The following ZNF516 variants were observed in gnomAD, a reference collection of about 807,000 sequenced individuals.
ZNF516 encodes zinc finger protein 516.
A neutral mutation model predicts 79.7 loss-of-function variants in ZNF516; 19 were observed. The ratio of observed to expected loss-of-function variants is 0.24; its 90% confidence interval spans 0.17 to 0.35. ZNF516 has a LOEUF of 0.35. Among genes scored for constraint, ZNF516 ranks in the 10% least tolerant of loss-of-function variants. ZNF516 has a pLI of 1.00. For missense variants in ZNF516, 1,678 were observed against 1,679.5 expected (o/e 1.00, Z 0.02); for synonymous variants, 877 against 739.5 (o/e 1.19, Z -3.02).
intron 3 of ZNF516, chr18:76,385,618 A>G (rs558126297): frequency 2.6e-5 from 4 of 152,366 alleles, no homozygotes; most frequent in African/African-American, 7.2e-5. Context: ...TTCTCAGTGC[A>G]CATTTGTGCC....
chr18:76,379,433 T>A lies in ZNF516; in HGVS notation c.2681A>T (p.Gln894Leu). The A allele has an allele frequency of 6.2e-7, 1 of 1,612,296 alleles. No homozygotes were observed. The highest frequency in any genetic ancestry group is 1.3e-5 in the African/African-American group (1 of 75,018). Residue 894 changes from glutamine (Q) to leucine (L), a missense_variant, in exon 4 of 7, where the codon CAG (glutamine) becomes CTG (leucine). Gln to Leu is a moderately radical substitution (Grantham distance 113, BLOSUM62 -2). This residue lies in a region of ZNF516 where 1,294 missense variants were observed against 1,248.3 expected (regional missense o/e 1.04). Transcript: ENST00000443185. ...GYRQTKPCHGQEPHGAATQGP... is the reference protein window; with the variant it reads ...GYRQTKPCHGLEPHGAATQGP... Reference sequence around the variant, plus strand: ...CTGTGTGGCCGCGCCATGTGGCTCCTGGCCGTGACAAGGTTTGGTCTGTCG... The same window carrying A: ...CTGTGTGGCCGCGCCATGTGGCTCCAGGCCGTGACAAGGTTTGGTCTGTCG...
intron 2 of ZNF516, among the ~76,000 whole-genome samples, chr18:76,456,665 C>T (rs1192671494): frequency 2.3e-5 from 3 of 132,762 alleles, no homozygotes; most frequent in Non-Finnish European, 3.1e-5. Context: ...AGAATGAAGG[C>T]GCAGGTCGAG....
At chr18:76,488,694 A>AT (rs903450452) in intron 1 of ZNF516, among the ~76,000 whole-genome samples, 1 of 152,268 alleles carries the variant, frequency 6.6e-6, no homozygotes, top group Non-Finnish European at 1.5e-5. Flanking sequence ...TATAATGCAG[A>AT]TACCTAATCA....
At chr18:76,388,567 G>A (rs2075025391) in intron 3 of ZNF516, 1 of 152,286 alleles carries the variant, frequency 6.6e-6, no homozygotes, top group Non-Finnish European at 1.5e-5. Flanking sequence ...CATGTACATT[G>A]ATGACCCAGA....
Position 76,464,168 on chromosome 18 carries a change from AC to A in ZNF516, c.-271-1028del, listed in dbSNP as rs560874466. Among the ~76,000 whole-genome samples, 396 of 152,152 alleles carry A rather than the reference AC, an allele frequency of 2.6e-3. 1 individual carries two copies. Among genetic ancestry groups the A allele is most frequent in the African/African-American group, 8.8e-3 (365 of 41,510 alleles). On this transcript the variant is annotated intron_variant, in intron 1 of 6. Coordinates refer to ENST00000443185, the MANE Select transcript of ZNF516 (RefSeq NM_014643.4). ...GTAAAACCCCGTCTGTACTAAAAATACAAAAAAAAATTTTAGTACTTTAAAA... is the reference window on the plus strand; with the variant it reads ...GTAAAACCCCGTCTGTACTAAAAATAAAAAAAAAATTTTAGTACTTTAAAA...
intron 3 of ZNF516, among the ~76,000 whole-genome samples, chr18:76,417,445 A>G (rs1009639509): frequency 8.5e-5 from 13 of 152,260 alleles, no homozygotes; most frequent in African/African-American, 2.4e-4. Flanking sequence ...GTTTTTAACC[A>G]AAGATATTTA....
chr18:76,443,339 A>C (rs1363539613), intron 2 of ZNF516, 128 bp from the exon 3 acceptor site: 9 of 426,158 alleles, frequency 2.1e-5, no homozygotes, highest in African/African-American at 1.4e-4. Flanking sequence ...GGCACCAACA[A>C]CACTTCACAC....
chr18:76,419,436 C>G (rs2075478348), intron 3 of ZNF516, among the ~76,000 whole-genome samples: 1 of 152,216 alleles, frequency 6.6e-6, no homozygotes, highest in Non-Finnish European at 1.5e-5. Flanking sequence ...TCTGCATTTT[C>G]TACAACGATT....
intron 1 of ZNF516, among the ~76,000 whole-genome samples, chr18:76,480,696 ATTT>A (rs1475585233): frequency 5.9e-5 from 9 of 151,858 alleles, no homozygotes; most frequent in African/African-American, 9.7e-5. Flanking sequence ...TTAATTTTGT[ATTT>A]TTAGTAGAGA....
intron 1 of ZNF516, among the ~76,000 whole-genome samples, chr18:76,473,375 A>AAAC (rs1913966217): frequency 1.5e-5 from 2 of 132,006 alleles, no homozygotes; most frequent in African/African-American, 2.8e-5. Context: ...AAAAAAAAAA[A>AAAC]AAAACACCTA....
intron 3 of ZNF516, among the ~76,000 whole-genome samples, chr18:76,431,660 G>C (rs2075663201): frequency 6.6e-6 from 1 of 152,158 alleles, no homozygotes; most frequent in Non-Finnish European, 1.5e-5. Flanking sequence ...CGCGAGATCT[G>C]GCGGTTTCAG....
At chr18:76,427,633 A>G (rs2075612997) in intron 3 of ZNF516, among the ~76,000 whole-genome samples, 1 of 152,264 alleles carries the variant, frequency 6.6e-6, no homozygotes, top group Admixed American at 6.5e-5. Context: ...AAAACCATAA[A>G]GACAATTCTG....
At chr18:76,461,850 G>A (rs1389394606) in intron 2 of ZNF516, among the ~76,000 whole-genome samples, 2 of 152,196 alleles carry the variant, frequency 1.3e-5, no homozygotes, top group Non-Finnish European at 2.9e-5. Flanking sequence ...GCCCGCCATG[G>A]GCCGGACCAG....
At position 76,486,655 on chromosome 18, in the gene ZNF516, G is replaced by A. The variant is rs904603084; in HGVS notation, c.-272+8489C>T. ...GCCAGCACCAGCAACTCCCCAGGGC[G>A]GTGAGAGACGTTGTCTACCTGGTTT... On this transcript the variant is annotated intron_variant, in intron 1 of 6. Transcript: ENST00000443185. 7.3e-5 allele frequency among the ~76,000 whole-genome samples: 11 copies of A among 150,468 alleles called. 1 individual carries two copies. The highest frequency in any genetic ancestry group is 6.4e-4 in the South Asian group (3 of 4,704).
rs1362520860 is a variant in ZNF516 at position 76,441,816 on chromosome 18, G to C, written c.1239C>G (p.Val413=). 1 of 1,563,726 alleles carries C rather than the reference G, an allele frequency of 6.4e-7. No individual in the cohort carries two copies. The highest frequency in any genetic ancestry group is 1.4e-5 in the African/African-American group (1 of 73,958). ...CCAGCTGCCAGGCCTGGTAGCTGTT[G>C]ACCGGGTCCAGCTCAGCCACCCGCC... ...AGRRVAELDP[V]NSYQAWQLAT... is the part of the protein sequence containing the mutation. The change falls in exon 3 of 7, where the codon GTC becomes GTG. Residue 413 remains valine, a synonymous_variant. Coordinates refer to ENST00000443185, the MANE Select transcript of ZNF516 (RefSeq NM_014643.4).
chr18:76,442,776 G>C lies in ZNF516; in HGVS notation c.279C>G (p.His93Gln), dbSNP rs765880218. 11 of 1,600,496 alleles carry C rather than the reference G, an allele frequency of 6.9e-6. No individual in the cohort carries two copies. Among genetic ancestry groups the C allele is most frequent in the Non-Finnish European group, 9.4e-6 (11 of 1,173,602 alleles). The change falls in exon 3 of 7, where the codon CAC becomes CAG. Residue 93 changes from histidine (H) to glutamine (Q), a missense_variant. This residue lies in a region of ZNF516 where 279 missense variants were observed against 254.1 expected (regional missense o/e 1.10). Coordinates refer to ENST00000443185, the MANE Select transcript of ZNF516 (RefSeq NM_014643.4). ...GCGGCGCCTCGCCCGCCTCCGGCTC[G>C]TGTCCCTGAATCAGAGTCCCCGTGC... The part of the protein sequence containing the change: ...SHRTGTLIQG[H>Q]EPEAGEAPLG...
At chr18:76,395,412 G>C (rs893515019) in intron 3 of ZNF516, among the ~76,000 whole-genome samples, 1 of 152,204 alleles carries the variant, frequency 6.6e-6, no homozygotes, top group East Asian at 1.9e-4. Context: ...AGGTGAGTAG[G>C]AGTCATTTAA....
chr18:76,445,813 C>T (rs1171018586), intron 2 of ZNF516, among the ~76,000 whole-genome samples: 1 of 152,230 alleles, frequency 6.6e-6, no homozygotes, highest in Non-Finnish European at 1.5e-5. Flanking sequence ...TAGAGACAGC[C>T]CTCGAGTGCA....
chr18:76,436,045 A>G (rs942985911), intron 3 of ZNF516, among the ~76,000 whole-genome samples: 1 of 152,244 alleles, frequency 6.6e-6, no homozygotes, highest in Admixed American at 6.5e-5. Flanking sequence ...AGAGCAGTCT[A>G]TGTGTGAACA....
Sources: gnomAD v4.1 joint callset for allele counts (sites outside exome capture counted in the v4.1 genomes callset) on GRCh38, gnomAD v4.1.1 for gene constraint, gnomAD v4.1.1 regional missense constraint, MANE v1.5 for transcripts, NCBI Gene and HGNC (gene_info 2026-07-23, HGNC 2026-07-21) for gene names.